The following PDE4B variants were observed in gnomAD, a reference collection of about 807,000 sequenced individuals.
PDE4B encodes the protein phosphodiesterase 4B.
In PDE4B, 20 loss-of-function variants were observed where a neutral mutation model predicts 82.2. The ratio of observed to expected loss-of-function variants is 0.24; its 90% CI spans 0.17 to 0.35. The LOEUF (loss-of-function observed/expected upper bound fraction) is 0.35. Ranked by LOEUF, PDE4B falls within the 10% of genes least tolerant of loss-of-function variation. PDE4B has a pLI of 1.00. For synonymous variants in PDE4B, 320 were observed against 318.9 expected, an observed-to-expected ratio of 1.00 and a Z score of -0.04; for missense variants, 655 against 907.2, an observed-to-expected ratio of 0.72 and a Z score of 3.57.
rs530557327 is a variant in PDE4B at position 66,221,924 on chromosome 1, A to T, written c.282-25536A>T. ...TTTTTTTTATCTCCATGTCTGTATT[A>T]ATTAGGATGAGTTTTGGCTGAATAT... is the stretch of plus-strand genomic sequence containing the variant. On this transcript the variant is annotated intron_variant, in intron 3 of 16. Transcript: ENST00000341517. Among the ~76,000 whole-genome samples, 102 of 151,412 alleles carry T rather than the reference A, an allele frequency of 6.7e-4. 1 individual carries two copies. In the South Asian group the frequency reaches 0.021, roughly 31 times the overall value.
intron 1 of PDE4B, among the ~76,000 whole-genome samples, chr1:65,823,770 C>G (rs1255740091): frequency 3.9e-5 from 6 of 152,184 alleles, no homozygotes; most frequent in African/African-American, 7.2e-5. Flanking sequence ...TTGCTTCCCT[C>G]TAGTTTCATC....
At chr1:66,227,172 G>A (rs950073480) in intron 3 of PDE4B, among the ~76,000 whole-genome samples, 1 of 152,192 alleles carries the variant, frequency 6.6e-6, no homozygotes, top group African/African-American at 2.4e-5. Context: ...AGATGCATAC[G>A]AGACATCCAT....
intron 8 of PDE4B, among the ~76,000 whole-genome samples, chr1:66,342,346 G>A (rs527648456): frequency 2.4e-4 from 37 of 151,790 alleles, no homozygotes; most frequent in Non-Finnish European, 4.4e-4. Flanking sequence ...AGAAAATTTC[G>A]AATTCTTAAG....
chr1:66,317,253 G>A (rs974463470), intron 7 of PDE4B, among the ~76,000 whole-genome samples: 11 of 152,102 alleles, frequency 7.2e-5, no homozygotes, highest in Admixed American at 6.6e-5. Context: ...GGTTCTTACT[G>A]AATCATCCAG....
chr1:65,827,834 A>G (rs1468733006), intron 1 of PDE4B, among the ~76,000 whole-genome samples: 1 of 152,186 alleles, frequency 6.6e-6, no homozygotes, highest in Non-Finnish European at 1.5e-5. Context: ...CCAAAACCTC[A>G]CACTTCAACA....
At chr1:66,069,654 A>G (rs1455380081) in intron 3 of PDE4B, among the ~76,000 whole-genome samples, 1 of 152,010 alleles carries the variant, frequency 6.6e-6, no homozygotes, top group Non-Finnish European at 1.5e-5. Flanking sequence ...GCTTTCTCAG[A>G]TCTCAAGTCT....
intron 3 of PDE4B, among the ~76,000 whole-genome samples, chr1:66,057,056 C>A (rs900997535): frequency 6.6e-6 from 1 of 152,136 alleles, no homozygotes; most frequent in Non-Finnish European, 1.5e-5. Context: ...TATGTATATT[C>A]ATCTCTAGCA....
At chr1:65,969,060 G>A (rs7519259) in intron 3 of PDE4B, among the ~76,000 whole-genome samples, 61,578 of 152,000 alleles carry the variant, frequency 0.41, 14,510 homozygotes, top group Non-Finnish European at 0.53. Context: ...GAGAAACACC[G>A]TACTTTTTCA....
At chr1:65,936,675 TC>T (rs1294057083) in intron 3 of PDE4B, among the ~76,000 whole-genome samples, 1 of 152,152 alleles carries the variant, frequency 6.6e-6, no homozygotes, top group Non-Finnish European at 1.5e-5. Flanking sequence ...CTAACAAGTC[TC>T]CAGGTGATAG....
At chr1:66,069,177 G>A (rs1656023477) in intron 3 of PDE4B, among the ~76,000 whole-genome samples, 1 of 152,010 alleles carries the variant, frequency 6.6e-6, no homozygotes, top group South Asian at 2.1e-4. Flanking sequence ...GGGCATTGAA[G>A]TGCATCAGCA....
rs540913093 is a variant in PDE4B at position 65,807,152 on chromosome 1, A to G, written c.-71+13904A>G. ...ACCTGACCTGGGAGATGATCAAATC[A>G]TAAAGAGAACCACATTTGTGATTCA... On this transcript the variant is annotated intron_variant, in intron 1 of 16. Transcript: ENST00000341517. Among the ~76,000 whole-genome samples, 52 of 152,318 alleles carry G rather than the reference A, an allele frequency of 3.4e-4. 1 individual carries two copies. The highest frequency in any genetic ancestry group is 6.8e-3 in the Middle Eastern group (2 of 294).
chr1:66,165,508 C>T (rs1007341182), intron 3 of PDE4B, among the ~76,000 whole-genome samples: 2 of 151,560 alleles, frequency 1.3e-5, no homozygotes, highest in African/African-American at 4.8e-5. Flanking sequence ...TACACACATA[C>T]ACAAACTAAA....
intron 8 of PDE4B, among the ~76,000 whole-genome samples, chr1:66,341,072 CTTAAGTA>C (rs905849033): frequency 1.3e-5 from 2 of 152,100 alleles, no homozygotes; most frequent in African/African-American, 4.8e-5. Context: ...AGAAGAGAGC[CTTAAGTA>C]TTATTTTCTA....
chr1:65,997,446 G>A (rs1199676695), intron 3 of PDE4B, among the ~76,000 whole-genome samples: 1 of 151,984 alleles, frequency 6.6e-6, no homozygotes, highest in Non-Finnish European at 1.5e-5. Context: ...ACTTATATTT[G>A]GCAAGACAAC....
chr1:65,836,742 T>C (rs1646144477), intron 1 of PDE4B, among the ~76,000 whole-genome samples: 1 of 152,224 alleles, frequency 6.6e-6, no homozygotes, highest in Non-Finnish European at 1.5e-5. Flanking sequence ...TTTATCATCA[T>C]ATAAAAGATT....
chr1:66,143,689 G>A (rs1646216947), intron 3 of PDE4B, among the ~76,000 whole-genome samples: 1 of 152,230 alleles, frequency 6.6e-6, no homozygotes, highest in Non-Finnish European at 1.5e-5. Flanking sequence ...GGATGGCTAT[G>A]TAACATAGTT....
chr1:65,998,380 A>G (rs1373762621), intron 3 of PDE4B, among the ~76,000 whole-genome samples: 1 of 151,658 alleles, frequency 6.6e-6, no homozygotes, highest in Non-Finnish European at 1.5e-5. Context: ...TTCCAATATC[A>G]TGAACAAGAG....
chr1:66,215,016 A>G (rs1650343757), intron 3 of PDE4B, among the ~76,000 whole-genome samples: 1 of 151,984 alleles, frequency 6.6e-6, no homozygotes, highest in Non-Finnish European at 1.5e-5. Context: ...GAGAGAAAAA[A>G]GTCTAGACTC....
At chr1:66,229,252 GC>G (rs1441335340) in intron 3 of PDE4B, among the ~76,000 whole-genome samples, 1 of 151,566 alleles carries the variant, frequency 6.6e-6, no homozygotes, top group African/African-American at 2.4e-5. Flanking sequence ...CTCGTGATCC[GC>G]CCGCCTCGGC....
Sources: gnomAD v4.1 joint callset for allele counts (sites outside exome capture counted in the v4.1 genomes callset) on GRCh38, gnomAD v4.1.1 for gene constraint, MANE v1.5 for transcripts, NCBI Gene and HGNC (gene_info 2026-07-23, HGNC 2026-07-21) for gene names.